CAMKK1: variants seen among roughly 807,000 people sequenced by gnomAD.
CAMKK1 encodes calcium/calmodulin dependent protein kinase kinase 1.
Under a neutral mutation model 63.5 loss-of-function variants are expected in CAMKK1, and 20 were observed. The observed-to-expected ratio is 0.32, with a 90% CI of 0.22 to 0.46. CAMKK1 has a LOEUF of 0.46. Among genes scored for constraint, CAMKK1 ranks in the 20% least tolerant of loss-of-function variants. The pLI is 1.00. For missense variants in CAMKK1, 588 were observed against 658.1 expected (o/e 0.89, Z 1.17); for synonymous variants, 253 against 269.0 (o/e 0.94, Z 0.58).
chr17:3,873,022 G>A (rs114547097), intron 11 of CAMKK1, among the ~76,000 whole-genome samples: 22 of 152,338 alleles, frequency 1.4e-4, no homozygotes, highest in African/African-American at 4.3e-4. Context: ...TCACCGATAC[G>A]TCAGCGTTGG....
Position 3,882,070 on chromosome 17 carries a change from G to T in CAMKK1, c.686-422C>A. The T allele has an allele frequency of 1.8e-6, 1 of 562,280 alleles. No homozygotes were observed. The highest frequency in any genetic ancestry group is 3.0e-5 in the East Asian group (1 of 33,824). The allele number at this position is 562,280 out of a possible 1,614,324, so 34.8% of individuals were successfully genotyped here. Reference sequence around the variant, plus strand: ...AGCCCAGCCCTGAACCAGACACAAGGAACTAAAATAATAACATTACTATTA... The same window carrying T: ...AGCCCAGCCCTGAACCAGACACAAGTAACTAAAATAATAACATTACTATTA... On this transcript the variant is annotated intron_variant, in intron 7 of 15. Transcript: ENST00000348335. This position sits in a 1 kb window ranked among gnomAD's most constrained non-coding sequence, Gnocchi z 4.3.
At position 3,893,045 on chromosome 17, in the gene CAMKK1, T is replaced by A. The variant is rs998308039; in HGVS notation, c.-150A>T. ...CCCCACCGCCTCGCTGGGGCCCAGA[T>A]CGCCGAGCTCAGCCCGCGGGCGCCG... On this transcript the variant is annotated 5_prime_UTR_variant, in exon 1 of 16. Coordinates refer to ENST00000348335, the MANE Select transcript of CAMKK1 (RefSeq NM_032294.3). The surrounding 1 kb of genome is among the most constrained non-coding windows in gnomAD (Gnocchi z 4.6). 1 of 142,594 alleles carries A rather than the reference T, an allele frequency of 7.0e-6. No individual in the cohort carries two copies. Among genetic ancestry groups the A allele is most frequent in the Non-Finnish European group, 1.5e-5 (1 of 64,932 alleles). The allele number at this position is 142,594 out of a possible 1,614,324, so 8.8% of individuals were successfully genotyped here. A position where few individuals can be genotyped will look rare whatever the true frequency, so the allele number is the denominator to read the frequency against.
intron 13 of CAMKK1, 40 bp downstream of exon 13, chr17:3,869,761 T>G: frequency 6.2e-7 from 1 of 1,607,206 alleles, no homozygotes; most frequent in Non-Finnish European, 8.5e-7. Context: ...ACTCCTGTTT[T>G]CTGTGTCCCA....
At position 3,889,350 on chromosome 17, in the gene CAMKK1, C is replaced by T. The variant is rs1197870478; in HGVS notation, c.-44+3589G>A. On this transcript the variant is annotated intron_variant, in intron 1 of 15. Coordinates refer to ENST00000348335, the MANE Select transcript of CAMKK1 (RefSeq NM_032294.3). This position sits in a 1 kb window ranked among gnomAD's most constrained non-coding sequence, Gnocchi z 5.2. ...GCCGGGAACCAGGCCCATGGTACAG[C>T]GAAGGATTCCTGTGGGCATGGGCAC... is the stretch of plus-strand genomic sequence containing the variant. Among the ~76,000 whole-genome samples the T allele has an allele frequency of 9.2e-5, 14 of 152,230 alleles. No homozygotes were observed. Among genetic ancestry groups the T allele is most frequent in the African/African-American group, 2.6e-4 (11 of 41,534 alleles).
At position 3,890,678 on chromosome 17, in the gene CAMKK1, C is replaced by A. The variant is rs1357972382; in HGVS notation, c.-44+2261G>T. On this transcript the variant is annotated intron_variant, in intron 1 of 15. Transcript: ENST00000348335. This position sits in a 1 kb window ranked among gnomAD's most constrained non-coding sequence, Gnocchi z 6.5. ...CCCTGTTGCCCACCCTTGCTCCCCACAACCCCACACTTACTCTCCACTGCA... is the reference window on the plus strand; with the variant it reads ...CCCTGTTGCCCACCCTTGCTCCCCAAAACCCCACACTTACTCTCCACTGCA... 11 of 779,726 alleles carry A rather than the reference C, an allele frequency of 1.4e-5. No homozygotes were observed. Among genetic ancestry groups the A allele is most frequent in the Non-Finnish European group, 2.4e-5 (10 of 417,982 alleles). The allele number at this position is 779,726 out of a possible 1,614,324, so 48.3% of individuals were successfully genotyped here.
Position 3,871,333 on chromosome 17 carries a change from GTT to G in CAMKK1, c.1124+1219_1124+1220del, listed in dbSNP as rs71155812. ...TTTCTTTTTTTGTTTGTTGTTTTTT[GTT>G]TTTTTTTTTTTGTTTTTTTTTTTTT... On this transcript the variant is annotated intron_variant, in intron 12 of 15. Coordinates refer to ENST00000348335, the MANE Select transcript of CAMKK1 (RefSeq NM_032294.3). 2.3e-3 allele frequency among the ~76,000 whole-genome samples: 254 copies of G among 111,036 alleles called. 2 individuals are homozygous for G. Among genetic ancestry groups the G allele is most frequent in the Non-Finnish European group, 3.9e-3 (211 of 53,870 alleles). The allele number at this position is 111,036 out of a possible 152,430, so 72.8% of individuals were successfully genotyped here.
At chr17:3,875,555 T>C (rs1441300098) in intron 10 of CAMKK1, among the ~76,000 whole-genome samples, 9 of 152,086 alleles carry the variant, frequency 5.9e-5, no homozygotes, top group African/African-American at 1.7e-4. Context: ...AGCACTGGGA[T>C]TACAGGCATG....
rs201386596 is a variant in CAMKK1, at chr17:3,883,035, C to T, written c.648+7G>A. ...CTGGTTCCCACCTGCTCACCACCAC[C>T]CCCTACCTCGATCAGTTTGACCACA... On this transcript the variant is annotated splice_region_variant and intron_variant, in intron 6 of 15. Coordinates refer to ENST00000348335, the MANE Select transcript of CAMKK1 (RefSeq NM_032294.3). The surrounding 1 kb of genome is among the most constrained non-coding windows in gnomAD (Gnocchi z 4.7). 1 of 1,613,672 alleles carries T rather than the reference C, an allele frequency of 6.2e-7. No individual in the cohort carries two copies. The highest frequency in any genetic ancestry group is 1.7e-5 in the Admixed American group (1 of 60,004).
In CAMKK1 at chr17:3,892,712, C is replaced by T. The variant is rs1462534412; in HGVS notation, c.-44+227G>A. ...AACGCAGACGGCGGGGCACCCGCGG[C>T]GATGCGGTCCCGGCGGCCGGCGCAG... On this transcript the variant is annotated intron_variant, in intron 1 of 15. Coordinates refer to ENST00000348335, the MANE Select transcript of CAMKK1 (RefSeq NM_032294.3). The surrounding 1 kb of genome is among the most constrained non-coding windows in gnomAD (Gnocchi z 7.5). 6.6e-6 allele frequency among the ~76,000 whole-genome samples: 1 copy of T among 152,162 alleles called. No homozygotes were observed. Among genetic ancestry groups the T allele is most frequent in the Non-Finnish European group, 1.5e-5 (1 of 68,014 alleles).
intron 12 of CAMKK1, among the ~76,000 whole-genome samples, chr17:3,871,362 T>TTTTTTTTTTTTTTGTTTTTTTTTTTTTTG (rs2054856573): frequency 8.2e-6 from 1 of 121,346 alleles, no homozygotes. Flanking sequence ...TTTTTTTTTT[T>TTTTTTTTTTTTTTGTTTTTTTTTTTTTTG]TTTTTTTTTT....
At chr17:3,877,284 A>C (rs1426560906) in intron 9 of CAMKK1, among the ~76,000 whole-genome samples, 1 of 152,070 alleles carries the variant, frequency 6.6e-6, no homozygotes, top group Non-Finnish European at 1.5e-5. Flanking sequence ...GATGGATGGC[A>C]CCCCAGGCCT....
rs546710287 is a variant in CAMKK1 at position 3,862,490 on chromosome 17, C to T, written c.1446-207G>A. Among the ~76,000 whole-genome samples, 37 of 152,262 alleles carry T rather than the reference C, an allele frequency of 2.4e-4. No individual in the cohort carries two copies. Among genetic ancestry groups the T allele is most frequent in the East Asian group, 7.7e-4 (4 of 5,170 alleles). ...CTCAGCCCCCAGTCTCAGCCCGCAA[C>T]GCCTCCGTGGCCCCCCATTGACCAG... On this transcript the variant is annotated intron_variant, in intron 15 of 15. Coordinates refer to ENST00000348335, the MANE Select transcript of CAMKK1 (RefSeq NM_032294.3). This position sits in a 1 kb window ranked among gnomAD's most constrained non-coding sequence, Gnocchi z 4.1.
At position 3,884,883 on chromosome 17, in the gene CAMKK1, AC is replaced by A. The variant is rs1346482013; in HGVS notation, c.360+444del. On this transcript the variant is annotated intron_variant, in intron 2 of 15. Transcript: ENST00000348335. This position sits in a 1 kb window ranked among gnomAD's most constrained non-coding sequence, Gnocchi z 4.5. ...CCCTGACATCTGTAGACTGCTTGGA[AC>A]CTGAGTTCACTTTCAGACCTAAATG... 5.3e-5 allele frequency among the ~76,000 whole-genome samples: 8 copies of A among 152,044 alleles called. No individual in the cohort carries two copies. Among genetic ancestry groups the A allele is most frequent in the African/African-American group, 1.9e-4 (8 of 41,362 alleles).
Position 3,882,134 on chromosome 17 carries a change from C to T in CAMKK1, c.685+394G>A. ...CGAATGTGCTTTACATATAATTACT[C>T]ATTTACTCTTCACAGGAACCCTATG... On this transcript the variant is annotated intron_variant, in intron 7 of 15. Transcript: ENST00000348335. This position sits in a 1 kb window ranked among gnomAD's most constrained non-coding sequence, Gnocchi z 4.3. 1 of 649,414 alleles carries T rather than the reference C, an allele frequency of 1.5e-6. No individual in the cohort carries two copies. Among genetic ancestry groups the T allele is most frequent in the South Asian group, 1.9e-5 (1 of 52,254 alleles). 40.2% of individuals were successfully genotyped at this position (649,414 alleles called of 1,614,324 possible). A position where few individuals can be genotyped will look rare whatever the true frequency, so the allele number is the denominator to read the frequency against.
Position 3,876,262 on chromosome 17 carries a change from G to A in CAMKK1, c.957C>T (p.Pro319=), listed in dbSNP as rs370912763. 6.1e-5 allele frequency: 98 copies of A among 1,614,040 alleles called. No individual in the cohort carries two copies. Among genetic ancestry groups the A allele is most frequent in the Admixed American group, 1.7e-4 (10 of 60,002 alleles). Reference sequence around the variant, plus strand: ...TCTGGCCGGAATCAGAAATGGCCTCGGGGGCCATGAATGCTGGGGTTCCCG... The same window carrying A: ...TCTGGCCGGAATCAGAAATGGCCTCAGGGGCCATGAATGCTGGGGTTCCCG... The part of the protein sequence containing the change: ...STAGTPAFMA[P]EAISDSGQSF... The change falls in exon 10 of 16, where the codon CCC becomes CCT. Residue 319 remains proline, a synonymous_variant. Transcript: ENST00000348335.
intron 1 of CAMKK1, among the ~76,000 whole-genome samples, chr17:3,891,148 G>A (rs1008029951): frequency 6.6e-6 from 1 of 151,624 alleles, no homozygotes; most frequent in African/African-American, 2.4e-5. Context: ...CCAGGGACAT[G>A]GACGCCTGGG....
At position 3,883,861 on chromosome 17, in the gene CAMKK1, C is replaced by T; in HGVS notation, c.462+23G>A. The T allele has an allele frequency of 6.2e-7, 1 of 1,613,296 alleles. No homozygotes were observed. The highest frequency in any genetic ancestry group is 8.5e-7 in the Non-Finnish European group (1 of 1,179,644). On this transcript the variant is annotated intron_variant, in intron 4 of 15. Coordinates refer to ENST00000348335, the MANE Select transcript of CAMKK1 (RefSeq NM_032294.3). The surrounding 1 kb of genome is among the most constrained non-coding windows in gnomAD (Gnocchi z 4.7). ...TTCCAGGGCCTGGCTTGGGCAACAC[C>T]TCCCTCGTATCCCCAGACTCACATA...
intron 12 of CAMKK1, among the ~76,000 whole-genome samples, chr17:3,870,434 C>T (rs1195710963): frequency 2.0e-5 from 3 of 151,742 alleles, no homozygotes; most frequent in East Asian, 1.9e-4. Context: ...GGCGCAATCT[C>T]GGCTCACTGC....
Position 3,862,270 on chromosome 17 carries a change from C to T in CAMKK1, c.1459G>A (p.Gly487Ser). 1 of 1,586,850 alleles carries T rather than the reference C, an allele frequency of 6.3e-7. No individual in the cohort carries two copies. The highest frequency in any genetic ancestry group is 8.6e-7 in the Non-Finnish European group (1 of 1,165,500). ...PGNLLVKEGF[G>S]EGGKSPELPG... is the part of the protein sequence containing the mutation. ...AGCTCTGGGCTCTTGCCCCCTTCAC[C>T]AAACCCTTCTTTCCTGTTCAGGGGA... is the stretch of plus-strand genomic sequence containing the variant. The change falls in exon 16 of 16, where the codon GGT becomes AGT. Residue 487 changes from glycine (G) to serine (S), a missense_variant. Physicochemically the swap from Gly to Ser is moderately conservative, Grantham distance 56. Transcript: ENST00000348335. This position sits in a 1 kb window ranked among gnomAD's most constrained non-coding sequence, Gnocchi z 4.1.
Sources: allele counts gnomAD v4.1 joint callset (sites outside exome capture counted in the v4.1 genomes callset), GRCh38; gene constraint gnomAD v4.1.1; non-coding constraint Gnocchi (gnomAD v3.1); transcripts MANE v1.5; gene names NCBI Gene and HGNC (gene_info 2026-07-23, HGNC 2026-07-21).